RAB24: variants seen among roughly 807,000 people sequenced by gnomAD.
The protein encoded by RAB24 is RAB24, member RAS oncogene family.
Under a neutral mutation model 31.4 loss-of-function variants are expected in RAB24, and 9 were observed. The observed-to-expected ratio is 0.29, with a 90% CI of 0.17 to 0.50. The LOEUF is 0.50. RAB24 is among the 20% of genes least tolerant of loss of function. The probability of loss-of-function intolerance (pLI) is 0.98; values close to 1 mark genes in which losing one functional copy is unlikely to be tolerated. For missense variants in RAB24, 197 were observed against 265.2 expected (o/e 0.74, Z 1.79); for synonymous variants, 106 against 94.1 (o/e 1.13, Z -0.73).
rs1760632316 is a variant in RAB24, at chr5:177,301,266, C to G, written c.*477G>C. On this transcript the variant is annotated 3_prime_UTR_variant, in exon 8 of 8. Coordinates refer to ENST00000303251, the MANE Select transcript of RAB24 (RefSeq NM_001031677.4). ...CACTCTTTTCAGCACTCAGAAGGAACTGTGAGCTTTTATACTACTACAGCC... is the reference window on the plus strand; with the variant it reads ...CACTCTTTTCAGCACTCAGAAGGAAGTGTGAGCTTTTATACTACTACAGCC... 5.7e-6 allele frequency: 1 copy of G among 176,364 alleles called. No homozygotes were observed. Among genetic ancestry groups the G allele is most frequent in the African/African-American group, 2.4e-5 (1 of 41,728 alleles). The allele number at this position is 176,364 out of a possible 1,614,324, so 10.9% of individuals were successfully genotyped here.
rs1760629355 is a variant in RAB24, at chr5:177,301,221, T to G, written c.*522A>C. On this transcript the variant is annotated 3_prime_UTR_variant, in exon 8 of 8. Coordinates refer to ENST00000303251, the MANE Select transcript of RAB24 (RefSeq NM_001031677.4). ...TCTCAGGTAGGAATGCTTGACCCTT[T>G]TATTTCGAAGCAACTCATGCACTCT... 1 of 163,946 alleles carries G rather than the reference T, an allele frequency of 6.1e-6. No individual in the cohort carries two copies. Among genetic ancestry groups the G allele is most frequent in the African/African-American group, 2.4e-5 (1 of 41,504 alleles). The allele number at this position is 163,946 out of a possible 1,614,324, so 10.2% of individuals were successfully genotyped here.
At position 177,303,292 on chromosome 5, in the gene RAB24, C is replaced by G. The variant is rs375450643; in HGVS notation, c.-4G>C. On this transcript the variant is annotated 5_prime_UTR_variant, in exon 1 of 8. Transcript: ENST00000303251. This position sits in a 1 kb window ranked among gnomAD's most constrained non-coding sequence, Gnocchi z 6.1. ...CGTCCACGCGCTGCCCGCTCATGCT[C>G]CCGGGGCCGCTTCAGCCACGTCAGG... The G allele has an allele frequency of 1.9e-6, 3 of 1,613,356 alleles. No homozygotes were observed. Among genetic ancestry groups the G allele is most frequent in the African/African-American group, 2.7e-5 (2 of 74,936 alleles).
rs1026155216 is a variant in RAB24 at position 177,301,628 on chromosome 5, G to T, written c.*115C>A. The T allele has an allele frequency of 4.3e-5, 52 of 1,211,676 alleles. No individual in the cohort carries two copies. In the Middle Eastern group the frequency reaches 1.3e-3, roughly 31 times the overall value. The allele number at this position is 1,211,676 out of a possible 1,614,324, so 75.1% of individuals were successfully genotyped here. On this transcript the variant is annotated 3_prime_UTR_variant, in exon 8 of 8. Transcript: ENST00000303251. ...GGCCAGCACAGGCAGGCGCCACTCTGCTGACATGAGGACCTGGGGTAGCTC... is the reference window on the plus strand; with the variant it reads ...GGCCAGCACAGGCAGGCGCCACTCTTCTGACATGAGGACCTGGGGTAGCTC...
At position 177,303,332 on chromosome 5, in the gene RAB24, CG is replaced by C. The variant is rs779150626; in HGVS notation, c.-45del. ...GCCACGTCAGGGTCCTGAGCGGGGA[CG>C]GGAGGCAAACCCCGATCTCCGCTCG... On this transcript the variant is annotated 5_prime_UTR_variant, in exon 1 of 8. Coordinates refer to ENST00000303251, the MANE Select transcript of RAB24 (RefSeq NM_001031677.4). The surrounding 1 kb of genome is among the most constrained non-coding windows in gnomAD (Gnocchi z 6.1). 3.0e-5 allele frequency: 48 copies of C among 1,591,162 alleles called. No individual in the cohort carries two copies. Among genetic ancestry groups the C allele is most frequent in the Non-Finnish European group, 3.7e-5 (43 of 1,161,340 alleles).
chr5:177,302,428 C>A lies in RAB24; in HGVS notation c.402G>T (p.Val134=). ...CATAGTCCTGGACGTCGTGGAAGTCCACACGTCGACGCCTCCGGTCTTCTT... is the reference window on the plus strand; with the variant it reads ...CATAGTCCTGGACGTCGTGGAAGTCAACACGTCGACGCCTCCGGTCTTCTT... The part of the protein sequence containing the change: ...LLEEDRRRRR[V]DFHDVQDYAD... The change falls in exon 5 of 8, where the codon GTG becomes GTT. Residue 134 remains valine, a synonymous_variant. Coordinates refer to ENST00000303251, the MANE Select transcript of RAB24 (RefSeq NM_001031677.4). 1 of 1,613,630 alleles carries A rather than the reference C, an allele frequency of 6.2e-7. No homozygotes were observed. Among genetic ancestry groups the A allele is most frequent in the Non-Finnish European group, 8.5e-7 (1 of 1,180,030 alleles).
In RAB24 at chr5:177,301,699, T is replaced by TA; in HGVS notation, c.*43dup. 1 of 1,604,846 alleles carries TA rather than the reference T, an allele frequency of 6.2e-7. No homozygotes were observed. The highest frequency in any genetic ancestry group is 8.5e-7 in the Non-Finnish European group (1 of 1,171,718). Reference sequence around the variant, plus strand: ...CCAGAAAGGAGCTGGGTCCAGCCCTTACGGGGAATTCCTTTAATTCCCCCA... The same window carrying TA: ...CCAGAAAGGAGCTGGGTCCAGCCCTTAACGGGGAATTCCTTTAATTCCCCCA... On this transcript the variant is annotated 3_prime_UTR_variant, in exon 8 of 8. Transcript: ENST00000303251.
In RAB24 at chr5:177,303,339, C is replaced by A; in HGVS notation, c.-51G>T. 1 of 1,570,344 alleles carries A rather than the reference C, an allele frequency of 6.4e-7. No individual in the cohort carries two copies. On this transcript the variant is annotated 5_prime_UTR_variant, in exon 1 of 8. Transcript: ENST00000303251. This position sits in a 1 kb window ranked among gnomAD's most constrained non-coding sequence, Gnocchi z 6.1. Reference sequence around the variant, plus strand: ...CAGGGTCCTGAGCGGGGACGGGAGGCAAACCCCGATCTCCGCTCGGCCCAG... The same window carrying A: ...CAGGGTCCTGAGCGGGGACGGGAGGAAAACCCCGATCTCCGCTCGGCCCAG...
chr5:177,301,711 C>CTT lies in RAB24; in HGVS notation c.*30_*31dup. On this transcript the variant is annotated 3_prime_UTR_variant, in exon 8 of 8. Coordinates refer to ENST00000303251, the MANE Select transcript of RAB24 (RefSeq NM_001031677.4). ...TGGGTCCAGCCCTTACGGGGAATTC[C>CTT]TTTAATTCCCCCAGGCCAGGTGAGT... is the stretch of plus-strand genomic sequence containing the variant. 6.2e-7 allele frequency: 1 copy of CTT among 1,610,960 alleles called. No homozygotes were observed. Among genetic ancestry groups the CTT allele is most frequent in the Non-Finnish European group, 8.5e-7 (1 of 1,177,072 alleles).
At position 177,301,824 on chromosome 5, in the gene RAB24, T is replaced by TG; in HGVS notation, c.548-18dup. 1 of 1,614,024 alleles carries TG rather than the reference T, an allele frequency of 6.2e-7. No homozygotes were observed. The highest frequency in any genetic ancestry group is 8.5e-7 in the Non-Finnish European group (1 of 1,179,974). ...CCTTGTCCTCTGTCAAAAAGAGAGGTGGCAGCTCAGCACCATTCTGTTGGG... is the reference window on the plus strand; with the variant it reads ...CCTTGTCCTCTGTCAAAAAGAGAGGTGGGCAGCTCAGCACCATTCTGTTGGG... On this transcript the variant is annotated splice_polypyrimidine_tract_variant and intron_variant, in intron 7 of 7. Coordinates refer to ENST00000303251, the MANE Select transcript of RAB24 (RefSeq NM_001031677.4).
rs761644642 is a variant in RAB24, at chr5:177,301,667, C to A, written c.*76G>T. ...CTGGGGTAGCTCAGACATTTGACTACCCAAGCCCAGAAAGGAGCTGGGTCC... is the reference window on the plus strand; with the variant it reads ...CTGGGGTAGCTCAGACATTTGACTAACCAAGCCCAGAAAGGAGCTGGGTCC... On this transcript the variant is annotated 3_prime_UTR_variant, in exon 8 of 8. Transcript: ENST00000303251. The A allele has an allele frequency of 2.6e-6, 4 of 1,554,378 alleles. No homozygotes were observed. The highest frequency in any genetic ancestry group is 3.5e-6 in the Non-Finnish European group (4 of 1,127,658).
Position 177,301,511 on chromosome 5 carries a change from C to T in RAB24, c.*232G>A, listed in dbSNP as rs529316817. 1.9e-4 allele frequency: 110 copies of T among 584,890 alleles called. No individual in the cohort carries two copies. The African/African-American group carries it at 1.9e-3, about 10-fold the overall frequency. 36.2% of individuals were successfully genotyped at this position (584,890 alleles called of 1,614,324 possible). On this transcript the variant is annotated 3_prime_UTR_variant, in exon 8 of 8. Transcript: ENST00000303251. ...AAAAGCCACTTAAATAATCTGCAGA[C>T]ACAAGTGCTGTCCAGGGCAGAAGCC...
rs770356587 is a variant in RAB24, at chr5:177,302,003, A to G, written c.485-16T>C. The G allele has an allele frequency of 6.2e-7, 1 of 1,614,060 alleles. No homozygotes were observed. Among genetic ancestry groups the G allele is most frequent in the Non-Finnish European group, 8.5e-7 (1 of 1,179,894 alleles). ...AAGAGCTCGTCTGGCAGGAAAAATG[A>G]TGATCAGCGAGGGCCCAATGCCAGT... is the stretch of plus-strand genomic sequence containing the variant. On this transcript the variant is annotated splice_polypyrimidine_tract_variant and intron_variant, in intron 6 of 7. Transcript: ENST00000303251.
In RAB24 at chr5:177,303,355, C is replaced by G; in HGVS notation, c.-67G>C. On this transcript the variant is annotated 5_prime_UTR_variant, in exon 1 of 8. Transcript: ENST00000303251. This position sits in a 1 kb window ranked among gnomAD's most constrained non-coding sequence, Gnocchi z 6.1. ...GACGGGAGGCAAACCCCGATCTCCG[C>G]TCGGCCCAGGCAGCGCCCAAGCCTC... 1 of 1,511,866 alleles carries G rather than the reference C, an allele frequency of 6.6e-7. No homozygotes were observed. Among genetic ancestry groups the G allele is most frequent in the Middle Eastern group, 1.7e-4 (1 of 5,850 alleles). 93.7% of individuals were successfully genotyped at this position (1,511,866 alleles called of 1,614,324 possible).
chr5:177,302,059 CTG>C, intron 6 of RAB24, 67 bp downstream of exon 6: 1 of 1,610,394 alleles, frequency 6.2e-7, no homozygotes, highest in South Asian at 1.1e-5. Context: ...ACCCAGCCCT[CTG>C]TGCCCTATTC....
In RAB24 at chr5:177,302,387, G is replaced by T; in HGVS notation, c.433+10C>A. 1 of 1,612,710 alleles carries T rather than the reference G, an allele frequency of 6.2e-7. No individual in the cohort carries two copies. Among genetic ancestry groups the T allele is most frequent in the Non-Finnish European group, 8.5e-7 (1 of 1,179,740 alleles). On this transcript the variant is annotated intron_variant, in intron 5 of 7. Coordinates refer to ENST00000303251, the MANE Select transcript of RAB24 (RefSeq NM_001031677.4). ...CACCCCCACCCCCCAAAGGGCTGAG[G>T]AGCAGCTACTGTCTGCATAGTCCTG...
At position 177,302,795 on chromosome 5, in the gene RAB24, A is replaced by G. The variant is rs371778618; in HGVS notation, c.222T>C (p.Ser74=). ...CCTTGGCACCCCGATAGTAGATTCT[A>G]CTCATGGCCTCATAGCGCTCAGAGC... ...TAGSERYEAM[S]RIYYRGAKAA... is the part of the protein sequence containing the mutation. Residue 74 remains serine (S), a synonymous_variant, in exon 3 of 8, where the codon AGT becomes AGC. Transcript: ENST00000303251. 1.3e-6 allele frequency: 2 copies of G among 1,496,168 alleles called. No individual in the cohort carries two copies. The highest frequency in any genetic ancestry group is 9.0e-7 in the Non-Finnish European group (1 of 1,111,792). 92.7% of individuals were successfully genotyped at this position (1,496,168 alleles called of 1,614,324 possible). A position where few individuals can be genotyped will look rare whatever the true frequency, so the allele number is the denominator to read the frequency against.
At position 177,303,084 on chromosome 5, in the gene RAB24, C is replaced by T. The variant is rs760791875; in HGVS notation, c.118-7G>A. 2.4e-5 allele frequency: 39 copies of T among 1,613,942 alleles called. No individual in the cohort carries two copies. Among genetic ancestry groups the T allele is most frequent in the Non-Finnish European group, 2.5e-5 (29 of 1,180,052 alleles). ...CGAAGGCGGCCCCGATGGTCTGCAA[C>T]GAGAGGGAAGAGATCGGGGCCATAG... On this transcript the variant is annotated splice_polypyrimidine_tract_variant and splice_region_variant and intron_variant, in intron 1 of 7. Transcript: ENST00000303251. The surrounding 1 kb of genome is among the most constrained non-coding windows in gnomAD (Gnocchi z 6.1).
Position 177,302,570 on chromosome 5 carries a change from C to T in RAB24, c.333+7G>A, listed in dbSNP as rs747822209. On this transcript the variant is annotated splice_region_variant and intron_variant, in intron 4 of 7. Transcript: ENST00000303251. ...CCCTAGTGTTCTAGTGAGGTCTGTTCACCTACCTCCTCTAGGCTGCGCAGT... is the reference window on the plus strand; with the variant it reads ...CCCTAGTGTTCTAGTGAGGTCTGTTTACCTACCTCCTCTAGGCTGCGCAGT... 1 of 1,614,150 alleles carries T rather than the reference C, an allele frequency of 6.2e-7. No individual in the cohort carries two copies.
intron 6 of RAB24, 34 bp from the exon 7 acceptor site, chr5:177,302,021 A>G (rs1760683645): frequency 2.5e-6 from 4 of 1,612,010 alleles, no homozygotes; most frequent in Non-Finnish European, 3.4e-6. Context: ...CGAGGGCCCA[A>G]TGCCAGTAGC....
Sources: allele counts gnomAD v4.1 joint callset, GRCh38; gene constraint gnomAD v4.1.1; non-coding constraint Gnocchi (gnomAD v3.1); transcripts MANE v1.5; gene names NCBI Gene and HGNC (gene_info 2026-07-23, HGNC 2026-07-21).